Variants in FARS2 observed in about 807,000 individuals in gnomAD.
FARS2 encodes phenylalanyl-tRNA synthetase 2, mitochondrial.
A neutral mutation model predicts 46.4 loss-of-function variants in FARS2; 40 were observed. The observed-to-expected ratio is 0.86, with a 90% CI of 0.67 to 1.12. FARS2 has a LOEUF of 1.12. Among genes scored for constraint, FARS2 ranks in the 50% most tolerant of loss-of-function variants. FARS2 has a pLI of 0.00. For missense variants in FARS2, 513 were observed against 567.9 expected (o/e 0.90, Z 0.98); for synonymous variants, 234 against 214.9 (o/e 1.09, Z -0.78).
intron 1 of FARS2, among the ~76,000 whole-genome samples, chr6:5,262,236 G>C (rs568456193): frequency 1.4e-4 from 21 of 152,278 alleles, no homozygotes; most frequent in African/African-American, 5.1e-4. Flanking sequence ...CGATATACCT[G>C]CTGTATGTCT....
chr6:5,435,738 G>A (rs1447015237), intron 4 of FARS2, among the ~76,000 whole-genome samples: 1 of 152,192 alleles, frequency 6.6e-6, no homozygotes, highest in Non-Finnish European at 1.5e-5. Flanking sequence ...GGACAACTAT[G>A]AGCCGTGATC....
At position 5,505,663 on chromosome 6, in the gene FARS2, G is replaced by A. The variant is rs147313980; in HGVS notation, c.905-39517G>A. ...GGTCCCTGACTTCCCGCAACATACT[G>A]TCCCTCTTCAATGGCTGAAGCTATA... On this transcript the variant is annotated intron_variant, in intron 4 of 6. Coordinates refer to ENST00000274680, the MANE Select transcript of FARS2 (RefSeq NM_006567.5). Among the ~76,000 whole-genome samples the A allele has an allele frequency of 2.7e-3, 405 of 152,250 alleles. 3 individuals carry two copies. The highest frequency in any genetic ancestry group is 9.4e-3 in the African/African-American group (390 of 41,522).
At position 5,719,913 on chromosome 6, in the gene FARS2, C is replaced by T. The variant is rs542116180; in HGVS notation, c.1218-51378C>T. 8.5e-5 allele frequency among the ~76,000 whole-genome samples: 13 copies of T among 152,296 alleles called. No individual in the cohort carries two copies. The East Asian group carries it at 2.5e-3, about 29-fold the overall frequency. On this transcript the variant is annotated intron_variant, in intron 6 of 6. Transcript: ENST00000274680. ...GGCTTCCGTTTAGTGTGACACAAAC[C>T]TGTTGTGGACTCTCTATTATACCAC...
At chr6:5,298,862 CAAAAAAAAAAAA>C (rs771852149) in intron 1 of FARS2, among the ~76,000 whole-genome samples, 7 of 74,742 alleles carry the variant, frequency 9.4e-5, no homozygotes, top group East Asian at 5.0e-4. Context: ...AACTCCATCT[CAAAAAAAAAAAA>C]AAAAAAAAAG....
chr6:5,466,974 T>C (rs1325090970), intron 4 of FARS2: 1 of 985,412 alleles, frequency 1.0e-6, no homozygotes, highest in Non-Finnish European at 1.2e-6. Context: ...AAGAGGCACA[T>C]ATTCTTCAGT....
chr6:5,693,097 C>A (rs1403915345), intron 6 of FARS2, among the ~76,000 whole-genome samples: 1 of 152,160 alleles, frequency 6.6e-6, no homozygotes, highest in Non-Finnish European at 1.5e-5. Flanking sequence ...TTATTGTACT[C>A]TTCTGGCATA....
At chr6:5,339,098 T>C (rs893034331) in intron 1 of FARS2, among the ~76,000 whole-genome samples, 6 of 151,964 alleles carry the variant, frequency 3.9e-5, no homozygotes, top group African/African-American at 1.5e-4. Flanking sequence ...TCAGAAAAAA[T>C]GCAAGATGAT....
At chr6:5,724,357 G>A (rs551954240) in intron 6 of FARS2, among the ~76,000 whole-genome samples, 8 of 152,312 alleles carry the variant, frequency 5.3e-5, no homozygotes, top group Non-Finnish European at 7.4e-5. Flanking sequence ...AGGGGACTCC[G>A]TTGCTGGAGC....
At chr6:5,377,854 T>C (rs1355948370) in intron 2 of FARS2, among the ~76,000 whole-genome samples, 3 of 152,214 alleles carry the variant, frequency 2.0e-5, no homozygotes, top group African/African-American at 4.8e-5. Flanking sequence ...ATGCCTGTAC[T>C]TGGCAAAATA....
chr6:5,547,371 T>G (rs1771096104), intron 5 of FARS2, among the ~76,000 whole-genome samples: 2 of 151,800 alleles, frequency 1.3e-5, no homozygotes, highest in African/African-American at 4.9e-5. Context: ...GCTGCTTCAC[T>G]TGTCTTTTTG....
At chr6:5,294,064 T>C (rs1483007911) in intron 1 of FARS2, among the ~76,000 whole-genome samples, 1 of 152,222 alleles carries the variant, frequency 6.6e-6, no homozygotes, top group Non-Finnish European at 1.5e-5. Flanking sequence ...CAACCTAGCA[T>C]CTAGCCTGAT....
chr6:5,431,284 A>G, intron 4 of FARS2, 112 bp downstream of exon 4: 1 of 1,058,008 alleles, frequency 9.5e-7, no homozygotes, highest in South Asian at 1.5e-5. Context: ...GGGCAGCGGC[A>G]TCACTGGTCT....
intron 6 of FARS2, among the ~76,000 whole-genome samples, chr6:5,655,080 A>G (rs911533739): frequency 5.9e-5 from 9 of 152,318 alleles, no homozygotes; most frequent in African/African-American, 2.2e-4. Flanking sequence ...GGCTATGAGT[A>G]GTTAAGTTTC....
intron 2 of FARS2, among the ~76,000 whole-genome samples, chr6:5,395,135 C>G (rs890385253): frequency 1.3e-5 from 2 of 152,140 alleles, no homozygotes; most frequent in African/African-American, 4.8e-5. Flanking sequence ...GCTTCAACCT[C>G]TGCCTCATAG....
At position 5,562,727 on chromosome 6, in the gene FARS2, CAGT is replaced by C. The variant is rs1292101142; in HGVS notation, c.1065+17388_1065+17390del. Among the ~76,000 whole-genome samples the C allele has an allele frequency of 5.3e-5, 7 of 130,908 alleles. No individual in the cohort carries two copies. The East Asian group carries it at 1.4e-3, about 26-fold the overall frequency. The allele number at this position is 130,908 out of a possible 152,430, so 85.9% of individuals were successfully genotyped here. A position where few individuals can be genotyped will look rare whatever the true frequency, so the allele number is the denominator to read the frequency against. On this transcript the variant is annotated intron_variant, in intron 5 of 6. Transcript: ENST00000274680. ...ACACACACACACACACACACACACACAGTGTTTTTCATTGTGTTAAATCTTTGT... is the reference window on the plus strand; with the variant it reads ...ACACACACACACACACACACACACACGTTTTTCATTGTGTTAAATCTTTGT...
At chr6:5,767,356 A>G (rs1277798525) in intron 6 of FARS2, among the ~76,000 whole-genome samples, 1 of 152,164 alleles carries the variant, frequency 6.6e-6, no homozygotes, top group Non-Finnish European at 1.5e-5. Context: ...GCGCCCGGCC[A>G]ATCCATCCAG....
intron 4 of FARS2, among the ~76,000 whole-genome samples, chr6:5,438,246 GCCCCC>G (rs111391099): frequency 2.8e-5 from 1 of 35,762 alleles, no homozygotes; most frequent in Non-Finnish European, 5.7e-5. Context: ...CCCACCCCCC[GCCCCC>G]CCCCCCATTT....
At chr6:5,760,243 CAT>C (rs1203626924) in intron 6 of FARS2, among the ~76,000 whole-genome samples, 3 of 152,322 alleles carry the variant, frequency 2.0e-5, no homozygotes, top group East Asian at 1.9e-4. Context: ...ATAACACAGT[CAT>C]AGGTAATTCT....
At chr6:5,514,883 T>C (rs1297496734) in intron 4 of FARS2, among the ~76,000 whole-genome samples, 1 of 151,928 alleles carries the variant, frequency 6.6e-6, no homozygotes, top group Non-Finnish European at 1.5e-5. Flanking sequence ...TCATCTTGTC[T>C]CAGCCTCCCA....
Sources: allele counts gnomAD v4.1 joint callset (sites outside exome capture counted in the v4.1 genomes callset), GRCh38; gene constraint gnomAD v4.1.1; transcripts MANE v1.5; gene names NCBI Gene and HGNC (gene_info 2026-07-23, HGNC 2026-07-21).